WWC1: variants seen among roughly 807,000 people sequenced by gnomAD.
WWC1 encodes WW and C2 domain containing 1.
WWC1 carries 55 observed loss-of-function variants against 138.4 expected under a neutral mutation model. That is an observed-to-expected ratio of 0.40 (90% confidence interval 0.32 to 0.50). The LOEUF is 0.50. WWC1 is among the 20% of genes least tolerant of loss of function. WWC1 has a pLI of 0.72. For synonymous variants in WWC1, 524 were observed against 564.9 expected (o/e 0.93, Z 1.03); for missense variants, 1,226 against 1,420.4 (o/e 0.86, Z 2.20).
intron 1 of WWC1, among the ~76,000 whole-genome samples, chr5:168,330,316 A>G (rs1437077910): frequency 6.6e-6 from 1 of 152,128 alleles, no homozygotes; most frequent in Non-Finnish European, 1.5e-5. Context: ...CTGAGCAACA[A>G]CCCCTTGGAA....
At chr5:168,424,664 G>C (rs1253211906) in intron 11 of WWC1, among the ~76,000 whole-genome samples, 2 of 152,196 alleles carry the variant, frequency 1.3e-5, no homozygotes, top group Non-Finnish European at 2.9e-5. Flanking sequence ...CAGAGCAAGG[G>C]ACTAGAAGGG....
chr5:168,437,975 A>G (rs1468357408), intron 15 of WWC1, among the ~76,000 whole-genome samples: 13 of 152,312 alleles, frequency 8.5e-5, no homozygotes, highest in East Asian at 1.9e-4. Context: ...GAATGAATAA[A>G]TAAGTATTAG....
chr5:168,450,288 C>G (rs1354632308), intron 17 of WWC1, among the ~76,000 whole-genome samples: 2 of 152,092 alleles, frequency 1.3e-5, no homozygotes, highest in Non-Finnish European at 1.5e-5. Flanking sequence ...TAAGGACTAT[C>G]ACCAAAAGTC....
chr5:168,435,300 A>G (rs1171555599), intron 15 of WWC1, among the ~76,000 whole-genome samples: 2 of 152,128 alleles, frequency 1.3e-5, no homozygotes, highest in Non-Finnish European at 2.9e-5. Flanking sequence ...TCGCAAGGAC[A>G]TTACTCCAGC....
intron 1 of WWC1, among the ~76,000 whole-genome samples, chr5:168,364,600 T>C (rs1217351394): frequency 6.6e-6 from 1 of 152,218 alleles, no homozygotes; most frequent in Admixed American, 6.5e-5. Context: ...TCGTAGTGCC[T>C]AGCATGGGCC....
chr5:168,348,599 G>A (rs961065949), intron 1 of WWC1, among the ~76,000 whole-genome samples: 1 of 152,176 alleles, frequency 6.6e-6, no homozygotes, highest in Non-Finnish European at 1.5e-5. Flanking sequence ...CCAGCTGGGG[G>A]TGCGGCCATC....
At chr5:168,367,371 C>G (rs1049391423) in intron 1 of WWC1, among the ~76,000 whole-genome samples, 2 of 151,576 alleles carry the variant, frequency 1.3e-5, no homozygotes, top group Non-Finnish European at 2.9e-5. Context: ...TTGCTCTGTC[C>G]CCCAGGCTGG....
chr5:168,467,215 G>T (rs757259860), intron 21 of WWC1, among the ~76,000 whole-genome samples: 4 of 152,148 alleles, frequency 2.6e-5, no homozygotes, highest in Non-Finnish European at 4.4e-5. Context: ...CCGAGATTGC[G>T]CCCCTACACT....
intron 3 of WWC1, among the ~76,000 whole-genome samples, chr5:168,393,733 C>T (rs1483758709): frequency 6.6e-6 from 1 of 152,104 alleles, no homozygotes; most frequent in Admixed American, 6.5e-5. Flanking sequence ...AGGAAGCCAG[C>T]CGAACACAGA....
At chr5:168,448,536 G>A (rs1211729475) in intron 17 of WWC1, among the ~76,000 whole-genome samples, 2 of 151,906 alleles carry the variant, frequency 1.3e-5, no homozygotes, top group African/African-American at 4.8e-5. Context: ...TGGGGCAGAT[G>A]CTGAGAAGTG....
In WWC1 at chr5:168,299,519, G is replaced by T. The variant is rs192935670; in HGVS notation, c.119+7248G>T. The stretch of plus-strand genomic sequence containing the variant: ...TTCACAGTCCTTTCCAAGTCGCTTG[G>T]GTAAATGCTCCCAACAGCCAGGGAA... On this transcript the variant is annotated intron_variant, in intron 1 of 22. Coordinates refer to ENST00000265293, the MANE Select transcript of WWC1 (RefSeq NM_015238.3). 3.0e-3 allele frequency among the ~76,000 whole-genome samples: 458 copies of T among 152,264 alleles called. 1 individual carries two copies. Among genetic ancestry groups the T allele is most frequent in the Non-Finnish European group, 4.9e-3 (336 of 68,010 alleles).
intron 15 of WWC1, among the ~76,000 whole-genome samples, chr5:168,441,296 T>C (rs773052879): frequency 9.2e-5 from 14 of 152,168 alleles, no homozygotes; most frequent in Non-Finnish European, 1.8e-4. Flanking sequence ...GCTTAGTAAG[T>C]GTAGAGTTTC....
intron 12 of WWC1, among the ~76,000 whole-genome samples, 154 bp downstream of exon 12, chr5:168,428,295 C>T (rs911933612): frequency 6.6e-6 from 1 of 152,150 alleles, no homozygotes; most frequent in African/African-American, 2.4e-5. Flanking sequence ...CTTGGCTGCC[C>T]AAGGCACAGA....
At chr5:168,422,162 C>T in intron 10 of WWC1, 65 bp downstream of exon 10, 3 of 1,503,108 alleles carry the variant, frequency 2.0e-6, no homozygotes, top group African/African-American at 1.4e-5. Flanking sequence ...TCCCCAGTGT[C>T]CCAGCCCAGG....
chr5:168,339,831 TTTTTCTTTTC>T (rs1166231821), intron 1 of WWC1, among the ~76,000 whole-genome samples: 1 of 39,242 alleles, frequency 2.5e-5, no homozygotes, highest in East Asian at 5.0e-4. Flanking sequence ...TCTTTCTTTC[TTTTTCTTTTC>T]TTTCTTTCTT....
chr5:168,384,713 CTT>C (rs762052940), intron 2 of WWC1, among the ~76,000 whole-genome samples: 58 of 99,626 alleles, frequency 5.8e-4, no homozygotes, highest in South Asian at 1.1e-3. Context: ...CTGGTTTATT[CTT>C]TTTTTTTTTT....
chr5:168,380,565 C>T (rs1308913661), intron 2 of WWC1, among the ~76,000 whole-genome samples: 1 of 152,168 alleles, frequency 6.6e-6, no homozygotes, highest in Non-Finnish European at 1.5e-5. Flanking sequence ...AATTCTGATA[C>T]ACTGCTGGTG....
chr5:168,403,006 T>TTTCTTTCTTTCTTTCTTTCTTTCTTTC lies in WWC1; in HGVS notation c.591-3190_591-3189insCTTTCTTTCTTTCTTTCTTTCTTTCTT, dbSNP rs1779430807. 1.4e-4 allele frequency among the ~76,000 whole-genome samples: 15 copies of TTTCTTTCTTTCTTTCTTTCTTTCTTTC among 105,694 alleles called. No individual in the cohort carries two copies. In the East Asian group the frequency reaches 2.3e-3, roughly 16 times the overall value. 69.3% of individuals were successfully genotyped at this position (105,694 alleles called of 152,430 possible). On this transcript the variant is annotated intron_variant, in intron 5 of 22. Coordinates refer to ENST00000265293, the MANE Select transcript of WWC1 (RefSeq NM_015238.3). ...AGCAGCCAAAAGCTCTGTTGTTTCT[T>TTTCTTTCTTTCTTTCTTTCTTTCTTTC]TTTCTTTCTTTCTTTCTTTCTTTCT...
At chr5:168,461,901 A>G (rs898663508) in intron 20 of WWC1, among the ~76,000 whole-genome samples, 2 of 152,124 alleles carry the variant, frequency 1.3e-5, no homozygotes, top group Non-Finnish European at 2.9e-5. Context: ...TACTAAAAAT[A>G]CAAAATTAGC....
Sources: allele counts gnomAD v4.1 joint callset (sites outside exome capture counted in the v4.1 genomes callset), GRCh38; gene constraint gnomAD v4.1.1; transcripts MANE v1.5; gene names NCBI Gene and HGNC (gene_info 2026-07-23, HGNC 2026-07-21).